PDIA5: variants seen among roughly 807,000 people sequenced by gnomAD.
The protein encoded by PDIA5 is protein disulfide-isomerase A5.
In PDIA5, 58 loss-of-function variants were observed where a neutral mutation model predicts 77.6. That is an observed-to-expected ratio of 0.75 (90% CI 0.61 to 0.93). The LOEUF is 0.93. Among genes scored for constraint, PDIA5 ranks in the 40% least tolerant of loss-of-function variants. PDIA5 has a pLI of 0.00. For missense variants in PDIA5, 630 were observed against 647.7 expected, an observed-to-expected ratio of 0.97 and a Z score of 0.30; for synonymous variants, 250 against 252.1, an observed-to-expected ratio of 0.99 and a Z score of 0.08.
At chr3:123,118,082 CA>C (rs1935034682) in intron 8 of PDIA5, among the ~76,000 whole-genome samples, 1 of 152,202 alleles carries the variant, frequency 6.6e-6, no homozygotes, top group South Asian at 2.1e-4. Context: ...GTTTAAGTGG[CA>C]GCACCTGGGC....
intron 1 of PDIA5, among the ~76,000 whole-genome samples, chr3:123,078,826 G>A (rs994329085): frequency 2.0e-5 from 3 of 152,172 alleles, no homozygotes; most frequent in Non-Finnish European, 4.4e-5. Flanking sequence ...GGTTTTTGAT[G>A]ATGTTTTCAT....
chr3:123,161,581 G>T, intron 16 of PDIA5, 126 bp downstream of exon 16: 1 of 1,054,900 alleles, frequency 9.5e-7, no homozygotes, highest in Non-Finnish European at 1.4e-6. Context: ...ACACTGCACC[G>T]AGAGGCCCAG....
At position 123,087,541 on chromosome 3, in the gene PDIA5, C is replaced by T. The variant is rs1044881629; in HGVS notation, c.43-1627C>T. Among the ~76,000 whole-genome samples the T allele has an allele frequency of 8.6e-5, 13 of 151,492 alleles. 1 individual carries two copies. The highest frequency in any genetic ancestry group is 1.9e-4 in the East Asian group (1 of 5,188). ...AGTTTTACTTTCCAAGAGATTTTCA[C>T]GATTCTCTGAGTATTTATTTTTCTT... On this transcript the variant is annotated intron_variant, in intron 1 of 16. Transcript: ENST00000316218.
intron 8 of PDIA5, among the ~76,000 whole-genome samples, chr3:123,121,909 G>A (rs836851): frequency 0.16 from 24,037 of 152,212 alleles, 2,088 homozygotes; most frequent in Middle Eastern, 0.23. Flanking sequence ...CGACCCCATG[G>A]GGAGTTGGGA....
chr3:123,103,973 C>T (rs1220868410), intron 5 of PDIA5, among the ~76,000 whole-genome samples: 1 of 152,108 alleles, frequency 6.6e-6, no homozygotes, highest in Non-Finnish European at 1.5e-5. Context: ...TTAACCGGGA[C>T]CTCTGAGGAA....
At chr3:123,128,386 C>T (rs1006174044) in intron 10 of PDIA5, among the ~76,000 whole-genome samples, 4 of 152,166 alleles carry the variant, frequency 2.6e-5, no homozygotes, top group Non-Finnish European at 2.9e-5. Context: ...TCTTTCCTTC[C>T]GGTGCCTGTA....
At chr3:123,125,283 C>T (rs1935217012) in intron 10 of PDIA5, among the ~76,000 whole-genome samples, 1 of 152,234 alleles carries the variant, frequency 6.6e-6, no homozygotes, top group South Asian at 2.1e-4. Context: ...TCCTTTGTGG[C>T]TGACATTGTT....
chr3:123,068,566 C>T (rs1345811128), intron 1 of PDIA5, among the ~76,000 whole-genome samples: 9 of 152,206 alleles, frequency 5.9e-5, no homozygotes, highest in Admixed American at 5.9e-4. Flanking sequence ...TCCTGAAACG[C>T]CCCCCATCGG....
intron 8 of PDIA5, among the ~76,000 whole-genome samples, chr3:123,118,495 T>C (rs1287806235): frequency 6.6e-6 from 1 of 152,136 alleles, no homozygotes; most frequent in African/African-American, 2.4e-5. Context: ...GAGAACTTGA[T>C]GCCAGTCTCA....
intron 11 of PDIA5, among the ~76,000 whole-genome samples, chr3:123,140,124 G>A: frequency 6.6e-6 from 1 of 152,164 alleles, no homozygotes; most frequent in Non-Finnish European, 1.5e-5. Flanking sequence ...AGACCTGGGG[G>A]AAGATGTTGG....
At chr3:123,145,146 C>G (rs1487530332) in intron 11 of PDIA5, 1 of 178,454 alleles carries the variant, frequency 5.6e-6, no homozygotes, top group Non-Finnish European at 1.2e-5. Flanking sequence ...AGCTCTGTGA[C>G]CATGGCTGTG....
chr3:123,083,563 T>C (rs944898690), intron 1 of PDIA5, among the ~76,000 whole-genome samples: 2 of 152,206 alleles, frequency 1.3e-5, no homozygotes, highest in Admixed American at 1.3e-4. Flanking sequence ...TCTAGAGCGA[T>C]TGACTTCGAA....
intron 11 of PDIA5, among the ~76,000 whole-genome samples, chr3:123,131,810 G>GCTGC (rs1935376916): frequency 6.6e-6 from 1 of 151,908 alleles, no homozygotes; most frequent in African/African-American, 2.4e-5. Flanking sequence ...GAGGGACAAG[G>GCTGC]CTGCCCCTGG....
chr3:123,115,027 G>A (rs1934962772), intron 7 of PDIA5, among the ~76,000 whole-genome samples: 1 of 152,184 alleles, frequency 6.6e-6, no homozygotes, highest in South Asian at 2.1e-4. Context: ...CAGAAGGAAT[G>A]TTGGCCTTCT....
At chr3:123,098,336 C>T (rs767969812) in intron 3 of PDIA5, among the ~76,000 whole-genome samples, 82 of 152,176 alleles carry the variant, frequency 5.4e-4, no homozygotes, top group Admixed American at 3.3e-3. Flanking sequence ...CCTCCGACCC[C>T]GCCGTCTCCC....
At chr3:123,102,190 G>C (rs567325069) in intron 3 of PDIA5, among the ~76,000 whole-genome samples, 1 of 152,168 alleles carries the variant, frequency 6.6e-6, no homozygotes, top group East Asian at 1.9e-4. Flanking sequence ...GATTATAGGC[G>C]TGAGCCCCCA....
rs540959945 is a variant in PDIA5 at position 123,099,056 on chromosome 3, C to T, written c.258-3355C>T. On this transcript the variant is annotated intron_variant, in intron 3 of 16. Transcript: ENST00000316218. ...CAATTAGTGTGTGCACACATGCTTG[C>T]GCACACACACACACACACACTACTC... is the stretch of plus-strand genomic sequence containing the variant. Among the ~76,000 whole-genome samples, 7 of 140,680 alleles carry T rather than the reference C, an allele frequency of 5.0e-5. 1 individual carries two copies. The highest frequency in any genetic ancestry group is 4.4e-4 in the South Asian group (2 of 4,504). The allele number at this position is 140,680 out of a possible 152,430, so 92.3% of individuals were successfully genotyped here. A position where few individuals can be genotyped will look rare whatever the true frequency, so the allele number is the denominator to read the frequency against.
At chr3:123,130,641 CT>C in intron 11 of PDIA5, 25 bp downstream of exon 11, 1 of 1,612,068 alleles carries the variant, frequency 6.2e-7, no homozygotes, top group Non-Finnish European at 8.5e-7. Flanking sequence ...GCTCCTCCCC[CT>C]CCACACCCTC....
At chr3:123,138,649 G>C (rs1231573169) in intron 11 of PDIA5, among the ~76,000 whole-genome samples, 1 of 152,228 alleles carries the variant, frequency 6.6e-6, no homozygotes, top group Non-Finnish European at 1.5e-5. Context: ...AGAGGCATCT[G>C]TGAGTGTGTG....
Sources: allele counts gnomAD v4.1 joint callset (sites outside exome capture counted in the v4.1 genomes callset), GRCh38; gene constraint gnomAD v4.1.1; transcripts MANE v1.5; gene names NCBI Gene and HGNC (gene_info 2026-07-23, HGNC 2026-07-21).